CSMD1: variants seen among roughly 807,000 people sequenced by gnomAD.
The protein encoded by CSMD1 is CUB and sushi domain-containing protein 1.
CSMD1 carries 213 observed loss-of-function variants against 417.5 expected under a neutral mutation model. The ratio of observed to expected loss-of-function variants is 0.51; its 90% CI spans 0.46 to 0.57. The LOEUF is 0.57. Among genes scored for constraint, CSMD1 ranks in the 20% least tolerant of loss-of-function variants. CSMD1 has a pLI of 0.00. For missense variants in CSMD1, 6,923 were observed against 4,529.7 expected, an observed-to-expected ratio of 1.53 and a Z score of -15.17; for synonymous variants, 2,862 against 1,736.8, an observed-to-expected ratio of 1.65 and a Z score of -16.11.
chr8:3,840,267 G>T (rs946671145), intron 5 of CSMD1, among the ~76,000 whole-genome samples: 1 of 152,104 alleles, frequency 6.6e-6, no homozygotes. Context: ...TGGTGAAACA[G>T]ATGTTCAAGA....
chr8:3,171,480 T>A (rs1419801296), intron 37 of CSMD1, among the ~76,000 whole-genome samples: 1 of 152,216 alleles, frequency 6.6e-6, no homozygotes, highest in Non-Finnish European at 1.5e-5. Context: ...GGACTGAGGT[T>A]TTCATAAATG....
intron 2 of CSMD1, among the ~76,000 whole-genome samples, chr8:4,593,981 C>G (rs768202018): frequency 2.6e-5 from 4 of 151,906 alleles, no homozygotes; most frequent in East Asian, 1.9e-4. Context: ...TGTGGAGGAC[C>G]CTTCTTGTCT....
chr8:3,369,048 A>C (rs1221278140), intron 19 of CSMD1, among the ~76,000 whole-genome samples: 2 of 152,260 alleles, frequency 1.3e-5, no homozygotes, highest in Non-Finnish European at 2.9e-5. Flanking sequence ...TGATAAACAG[A>C]GAGCAAAACG....
At chr8:3,599,977 G>C (rs1226183575) in intron 8 of CSMD1, among the ~76,000 whole-genome samples, 1 of 152,194 alleles carries the variant, frequency 6.6e-6, no homozygotes, top group Admixed American at 6.5e-5. Flanking sequence ...TTGATGGCAA[G>C]CTCCTGGCAG....
intron 1 of CSMD1, among the ~76,000 whole-genome samples, chr8:4,670,853 G>C (rs1273923324): frequency 6.6e-6 from 1 of 152,192 alleles, no homozygotes; most frequent in Non-Finnish European, 1.5e-5. Context: ...GAACGTGTTT[G>C]TGTTTGGTGG....
chr8:3,551,961 G>C (rs1418933670), intron 10 of CSMD1, among the ~76,000 whole-genome samples: 1 of 152,170 alleles, frequency 6.6e-6, no homozygotes, highest in African/African-American at 2.4e-5. Flanking sequence ...GCCACTGTGG[G>C]AGCTGAGGAC....
chr8:4,994,214 A>G, intron 1 of CSMD1, 118 bp downstream of exon 1: 4 of 845,678 alleles, frequency 4.7e-6, no homozygotes, highest in Middle Eastern at 6.3e-4. Context: ...GCGATGGAGC[A>G]GCGCCGGGCA....
chr8:4,663,183 T>C (rs1455773393), intron 1 of CSMD1, among the ~76,000 whole-genome samples: 1 of 152,150 alleles, frequency 6.6e-6, no homozygotes, highest in Non-Finnish European at 1.5e-5. Context: ...TGGGAAGTGC[T>C]GGTTCTCTTG....
chr8:3,946,809 G>T (rs1422882084), intron 5 of CSMD1, among the ~76,000 whole-genome samples: 1 of 151,974 alleles, frequency 6.6e-6, no homozygotes, highest in Non-Finnish European at 1.5e-5. Flanking sequence ...TACTAAATCT[G>T]TCATATTTTA....
intron 10 of CSMD1, among the ~76,000 whole-genome samples, chr8:3,495,747 C>G (rs1013608716): frequency 6.6e-6 from 1 of 152,114 alleles, no homozygotes; most frequent in Non-Finnish European, 1.5e-5. Flanking sequence ...AAACTGAAGA[C>G]AAAAGGATAA....
At chr8:4,759,750 A>AT (rs1338701640) in intron 1 of CSMD1, among the ~76,000 whole-genome samples, 4 of 152,116 alleles carry the variant, frequency 2.6e-5, no homozygotes, top group Admixed American at 6.6e-5. Flanking sequence ...GATCTCATTC[A>AT]TTTTTATGGC....
rs919229640 is a variant in CSMD1 at position 3,094,802 on chromosome 8, A to C, written c.7138+2047T>G. Reference sequence around the variant, plus strand: ...GAACTATAAAAGAGCCCGTCTTACAAAAAAAAAAAAAAAAAAAAGAGAGAG... The same window carrying C: ...GAACTATAAAAGAGCCCGTCTTACACAAAAAAAAAAAAAAAAAAGAGAGAG... On this transcript the variant is annotated intron_variant, in intron 47 of 69. Coordinates refer to ENST00000635120, the MANE Select transcript of CSMD1 (RefSeq NM_033225.6). Among the ~76,000 whole-genome samples, 22 of 25,282 alleles carry C rather than the reference A, an allele frequency of 8.7e-4. No individual in the cohort carries two copies. In the East Asian group the frequency reaches 0.034, roughly 40 times the overall value. 16.6% of individuals were successfully genotyped at this position (25,282 alleles called of 152,430 possible).
intron 2 of CSMD1, among the ~76,000 whole-genome samples, chr8:4,623,018 T>C (rs1801871293): frequency 6.6e-6 from 1 of 152,164 alleles, no homozygotes; most frequent in African/African-American, 2.4e-5. Context: ...TAGACTTTTT[T>C]AAGACTAAAA....
chr8:4,947,651 T>A (rs1294955430), intron 1 of CSMD1, among the ~76,000 whole-genome samples: 2 of 152,120 alleles, frequency 1.3e-5, no homozygotes, highest in East Asian at 3.9e-4. Flanking sequence ...AGATAACCAC[T>A]TACATTTTGG....
chr8:3,891,471 G>A (rs1806968947), intron 5 of CSMD1, among the ~76,000 whole-genome samples: 1 of 152,112 alleles, frequency 6.6e-6, no homozygotes. Flanking sequence ...CCTGTATACA[G>A]GAGTTTGAGA....
intron 1 of CSMD1, among the ~76,000 whole-genome samples, chr8:4,980,355 T>C (rs183872618): frequency 3.3e-4 from 50 of 152,310 alleles, no homozygotes; most frequent in African/African-American, 1.1e-3. Flanking sequence ...TCAGTTGCAC[T>C]TAGAGCCCCA....
At chr8:4,970,194 C>G (rs924116904) in intron 1 of CSMD1, among the ~76,000 whole-genome samples, 1 of 151,916 alleles carries the variant, frequency 6.6e-6, no homozygotes, top group African/African-American at 2.4e-5. Context: ...AACTTGACTT[C>G]AGACTCGAAT....
intron 1 of CSMD1, among the ~76,000 whole-genome samples, chr8:4,731,695 A>T (rs1809877931): frequency 6.6e-6 from 1 of 152,196 alleles, no homozygotes; most frequent in South Asian, 2.1e-4. Context: ...GCACTGTTTC[A>T]AAGCTCCAAT....
At chr8:4,333,910 G>C (rs1283444973) in intron 3 of CSMD1, among the ~76,000 whole-genome samples, 10 of 151,818 alleles carry the variant, frequency 6.6e-5, no homozygotes, top group Admixed American at 6.6e-4. Context: ...GTTTTGTTTT[G>C]AGAAAAGTTC....
Sources: allele counts gnomAD v4.1 joint callset (sites outside exome capture counted in the v4.1 genomes callset), GRCh38; gene constraint gnomAD v4.1.1; transcripts MANE v1.5; gene names NCBI Gene and HGNC (gene_info 2026-07-23, HGNC 2026-07-21).